The following AP3S2 variants were observed in gnomAD, a reference collection of about 807,000 sequenced individuals.
The protein encoded by AP3S2 is adaptor related protein complex 3 subunit sigma 2.
In AP3S2, 22 loss-of-function variants were observed where a neutral mutation model predicts 23.4. The ratio of observed to expected loss-of-function variants is 0.94; its 90% CI spans 0.67 to 1.34. AP3S2 has a LOEUF of 1.34. Among genes scored for constraint, AP3S2 ranks in the 40% most tolerant of loss-of-function variants. The pLI is 0.00. For missense variants in AP3S2, 241 were observed against 236.9 expected, an observed-to-expected ratio of 1.02 and a Z score of -0.11; for synonymous variants, 86 against 87.1, an observed-to-expected ratio of 0.99 and a Z score of 0.07.
intron 1 of AP3S2, 45 bp downstream of exon 1, chr15:89,893,830 AAGACAT>A: frequency 1.3e-6 from 2 of 1,544,488 alleles, no homozygotes; most frequent in Non-Finnish European, 1.8e-6. Context: ...AAGAGGAGGG[AAGACAT>A]AGTGGGCGCC....
chr15:89,835,870 A>G (rs1895179459), intron 5 of AP3S2, among the ~76,000 whole-genome samples: 1 of 152,106 alleles, frequency 6.6e-6, no homozygotes, highest in African/African-American at 2.4e-5. Flanking sequence ...TCTACCAAAA[A>G]TACAAAAATT....
intron 4 of AP3S2, among the ~76,000 whole-genome samples, chr15:89,844,163 G>A (rs1895405420): frequency 6.6e-6 from 1 of 152,176 alleles, no homozygotes; most frequent in South Asian, 2.1e-4. Context: ...AACTTTGAGA[G>A]CCACTGAACT....
At chr15:89,893,611 T>A in intron 1 of AP3S2, 1 of 504,416 alleles carries the variant, frequency 2.0e-6, no homozygotes, top group Non-Finnish European at 3.5e-6. Flanking sequence ...TTCTATCTCG[T>A]TCCCAGAGAC....
intron 4 of AP3S2, among the ~76,000 whole-genome samples, chr15:89,843,754 G>A (rs1164072077): frequency 6.6e-6 from 1 of 152,216 alleles, no homozygotes; most frequent in Non-Finnish European, 1.5e-5. Flanking sequence ...GTTACAGTGA[G>A]CCAAGATCGT....
chr15:89,893,988 A>G lies in AP3S2; in HGVS notation c.-39T>C. 1.9e-6 allele frequency: 3 copies of G among 1,544,964 alleles called. No homozygotes were observed. Among genetic ancestry groups the G allele is most frequent in the Non-Finnish European group, 2.6e-6 (3 of 1,143,014 alleles). On this transcript the variant is annotated 5_prime_UTR_variant, in exon 1 of 6. Transcript: ENST00000336418. The stretch of plus-strand genomic sequence containing the variant: ...GGTTCTCTCAGCACCGGCTACTCCC[A>G]GAAAGCTCCTCCTTCCGCCACAACA...
chr15:89,850,496 G>A (rs948905185), intron 4 of AP3S2: 1 of 152,220 alleles, frequency 6.6e-6, no homozygotes, highest in Admixed American at 6.5e-5. Flanking sequence ...GAGAGCAGAG[G>A]CAAAGAAGAG....
At chr15:89,862,619 C>G (rs1450140828) in intron 4 of AP3S2, among the ~76,000 whole-genome samples, 3 of 152,102 alleles carry the variant, frequency 2.0e-5, no homozygotes, top group African/African-American at 7.2e-5. Flanking sequence ...TTGACTGGAC[C>G]TTGGGAGCGA....
chr15:89,868,736 G>A (rs1896232023), intron 4 of AP3S2, among the ~76,000 whole-genome samples: 1 of 122,450 alleles, frequency 8.2e-6, no homozygotes, highest in Non-Finnish European at 1.7e-5. Flanking sequence ...CGTCTGGGAG[G>A]TGAGGGGCGC....
chr15:89,893,802 C>G, intron 1 of AP3S2, 79 bp downstream of exon 1: 30 of 1,434,410 alleles, frequency 2.1e-5, no homozygotes, highest in Non-Finnish European at 2.9e-5. Flanking sequence ...AGCGGTGCCC[C>G]CGGGCGCCGA....
At chr15:89,890,726 T>C (rs57715404) in intron 1 of AP3S2, among the ~76,000 whole-genome samples, 72,169 of 151,998 alleles carry the variant, frequency 0.47, 17,392 homozygotes, top group East Asian at 0.6. Context: ...AGTTAGAAAA[T>C]AGGTTCAAGT....
chr15:89,889,285 GA>G, intron 1 of AP3S2, 145 bp from the exon 2 acceptor site: 1 of 830,566 alleles, frequency 1.2e-6, no homozygotes, highest in Non-Finnish European at 1.9e-6. Flanking sequence ...AAAATGATGA[GA>G]AAAAATAGGA....
At chr15:89,893,294 T>A (rs1896861818) in intron 1 of AP3S2, 1 of 157,032 alleles carries the variant, frequency 6.4e-6, no homozygotes, top group East Asian at 1.9e-4. Flanking sequence ...GTTGGGAAAA[T>A]TCAAATTTAC....
At chr15:89,845,413 T>C (rs1895462232) in intron 4 of AP3S2, 1 of 152,214 alleles carries the variant, frequency 6.6e-6, no homozygotes. Context: ...CCTTGTCCAC[T>C]GAATATGAAG....
Position 89,835,258 on chromosome 15 carries a change from G to T in AP3S2, c.*257C>A. Reference sequence around the variant, plus strand: ...GCATGTTGACTCCCTACTGAGGAAGGCAGGGCCCCTCACATCTGCAGTGGC... The same window carrying T: ...GCATGTTGACTCCCTACTGAGGAAGTCAGGGCCCCTCACATCTGCAGTGGC... On this transcript the variant is annotated 3_prime_UTR_variant, in exon 6 of 6. Coordinates refer to ENST00000336418, the MANE Select transcript of AP3S2 (RefSeq NM_005829.5). The T allele has an allele frequency of 1.8e-6, 1 of 548,652 alleles. No homozygotes were observed. Among genetic ancestry groups the T allele is most frequent in the South Asian group, 3.1e-5 (1 of 32,644 alleles). 34.0% of individuals were successfully genotyped at this position (548,652 alleles called of 1,614,324 possible). A position where few individuals can be genotyped will look rare whatever the true frequency, so the allele number is the denominator to read the frequency against.
intron 4 of AP3S2, among the ~76,000 whole-genome samples, chr15:89,863,830 G>A (rs1313134747): frequency 6.6e-6 from 1 of 152,184 alleles, no homozygotes; most frequent in African/African-American, 2.4e-5. Flanking sequence ...AGTTCAAGGT[G>A]ATGTTCCTAT....
intron 3 of AP3S2, among the ~76,000 whole-genome samples, chr15:89,878,543 A>G (rs750145930): frequency 6.6e-5 from 10 of 152,276 alleles, no homozygotes; most frequent in Admixed American, 3.3e-4. Context: ...CAGATTGGCA[A>G]ACATTTGAAA....
rs1313515036 is a variant in AP3S2, at chr15:89,878,274, T to A, written c.274-6728A>T. On this transcript the variant is annotated intron_variant, in intron 3 of 5. Transcript: ENST00000336418. The stretch of plus-strand genomic sequence containing the variant: ...GAGAATATTTTCATACCTTGGGAGC[T>A]ATGAAGAAAACAACTTCCAGATGTA... The A allele has an allele frequency of 1.1e-5, 7 of 662,562 alleles. No homozygotes were observed. In the South Asian group the frequency reaches 1.2e-4, roughly 11 times the overall value. The allele number at this position is 662,562 out of a possible 1,614,324, so 41.0% of individuals were successfully genotyped here.
chr15:89,873,129 G>A (rs767746457), intron 3 of AP3S2, among the ~76,000 whole-genome samples: 1 of 152,126 alleles, frequency 6.6e-6, no homozygotes, highest in Non-Finnish European at 1.5e-5. Flanking sequence ...CAATCACTAT[G>A]CTGGGTACTT....
In AP3S2 at chr15:89,835,572, C is replaced by G; in HGVS notation, c.525G>C (p.Arg175=). Residue 175 remains arginine (R), a synonymous_variant, in exon 6 of 6, where the codon CGG becomes CGC. Transcript: ENST00000336418. ...TGTTGAGATCGCCAATGTTGATGTT[C>G]CGAGGAATCTCTGGCAGGTTGATGT... The part of the protein sequence containing the change: ...VKNINLPEIP[R]NINIGDLNIK... The G allele has an allele frequency of 6.2e-7, 1 of 1,613,986 alleles. No homozygotes were observed. The highest frequency in any genetic ancestry group is 1.1e-5 in the South Asian group (1 of 91,062).
Sources: allele counts gnomAD v4.1 joint callset (sites outside exome capture counted in the v4.1 genomes callset), GRCh38; gene constraint gnomAD v4.1.1; transcripts MANE v1.5; gene names NCBI Gene and HGNC (gene_info 2026-07-23, HGNC 2026-07-21).